Variants in NOCT observed in about 807,000 individuals in gnomAD.
NOCT encodes the protein CCR4 carbon catabolite repression 4-like.
Under a neutral mutation model 35.0 loss-of-function variants are expected in NOCT, and 18 were observed. The ratio of observed to expected loss-of-function variants is 0.51; its 90% CI spans 0.36 to 0.76. The LOEUF (loss-of-function observed/expected upper bound fraction) is 0.76. Among genes scored for constraint, NOCT ranks in the 30% least tolerant of loss-of-function variants. NOCT has a pLI of 0.01. For missense variants in NOCT, 479 were observed against 541.0 expected (o/e 0.89, Z 1.14); for synonymous variants, 235 against 226.3 (o/e 1.04, Z -0.34).
chr4:139,030,853 T>C (rs573271919), intron 1 of NOCT, among the ~76,000 whole-genome samples: 1 of 152,308 alleles, frequency 6.6e-6, no homozygotes, highest in African/African-American at 2.4e-5. Flanking sequence ...CAGAGATGCC[T>C]TCTTGTGCCA....
In NOCT at chr4:139,018,464, C is replaced by T. The variant is rs73852715; in HGVS notation, c.190+2293C>T. On this transcript the variant is annotated intron_variant, in intron 1 of 2. Transcript: ENST00000280614. ...CTTTTAAGAAATCCCCTGAAACCCCCTAGTTTTACAGATAAGGAAATTGAA... is the reference window on the plus strand; with the variant it reads ...CTTTTAAGAAATCCCCTGAAACCCCTTAGTTTTACAGATAAGGAAATTGAA... Among the ~76,000 whole-genome samples, 538 of 152,294 alleles carry T rather than the reference C, an allele frequency of 3.5e-3. 4 individuals carry two copies. The highest frequency in any genetic ancestry group is 0.012 in the African/African-American group (500 of 41,548).
chr4:139,044,610 C>T (rs1726899377), intron 2 of NOCT, 29 bp from the exon 3 acceptor site: 22 of 1,472,822 alleles, frequency 1.5e-5, no homozygotes, highest in Non-Finnish European at 2.0e-5. Context: ...TTTGTAAGAG[C>T]TGACAACTGA....
At chr4:139,043,479 GCTC>G in intron 2 of NOCT, 136 bp downstream of exon 2, 1 of 788,832 alleles carries the variant, frequency 1.3e-6, no homozygotes, top group Non-Finnish European at 2.1e-6. Flanking sequence ...AGCATGGAGA[GCTC>G]CTAGAAGAGG....
chr4:139,016,550 A>T (rs1726307200), intron 1 of NOCT, among the ~76,000 whole-genome samples: 2 of 150,942 alleles, frequency 1.3e-5, no homozygotes, highest in Admixed American at 1.3e-4. Context: ...AAAAATCTAA[A>T]TGATGCTTAT....
intron 1 of NOCT, among the ~76,000 whole-genome samples, chr4:139,016,695 C>T (rs1726313450): frequency 8.9e-6 from 1 of 112,186 alleles, no homozygotes; most frequent in African/African-American, 3.4e-5. Flanking sequence ...ACTGTGTCAC[C>T]CAGGCTGGAG....
chr4:139,037,561 C>T (rs966319702), intron 1 of NOCT, among the ~76,000 whole-genome samples: 7 of 152,116 alleles, frequency 4.6e-5, no homozygotes, highest in Admixed American at 1.3e-4. Context: ...TGAGCCACCA[C>T]GCCTGGCCCA....
chr4:139,030,783 T>G (rs1241393044), intron 1 of NOCT, among the ~76,000 whole-genome samples: 3 of 152,158 alleles, frequency 2.0e-5, no homozygotes, highest in Non-Finnish European at 4.4e-5. Flanking sequence ...TAAATTAGCT[T>G]AGTTTTTGTG....
chr4:139,019,715 A>T (rs1035660123), intron 1 of NOCT, among the ~76,000 whole-genome samples: 1 of 152,098 alleles, frequency 6.6e-6, no homozygotes, highest in African/African-American at 2.4e-5. Context: ...TAGAATTAAA[A>T]GGTGACCCTA....
At chr4:139,023,424 C>T (rs1481401906) in intron 1 of NOCT, among the ~76,000 whole-genome samples, 8 of 152,288 alleles carry the variant, frequency 5.3e-5, no homozygotes, top group African/African-American at 1.7e-4. Flanking sequence ...TGAAGGTCTG[C>T]TGAAGGAAAA....
intron 2 of NOCT, 38 bp from the exon 3 acceptor site, chr4:139,044,601 T>C (rs1238730196): frequency 7.2e-7 from 1 of 1,388,620 alleles, no homozygotes. Flanking sequence ...AGTCACGGTT[T>C]TGTAAGAGCT....
rs530504862 is a variant in NOCT, at chr4:139,023,371, A to G, written c.190+7200A>G. 4.6e-5 allele frequency among the ~76,000 whole-genome samples: 7 copies of G among 152,158 alleles called. No homozygotes were observed. In the East Asian group the frequency reaches 5.8e-4, roughly 13 times the overall value. On this transcript the variant is annotated intron_variant, in intron 1 of 2. Coordinates refer to ENST00000280614, the MANE Select transcript of NOCT (RefSeq NM_012118.4). Reference sequence around the variant, plus strand: ...AATACCTGGGATATAATACTTTTCTATTTCCTCTTGTGTGTTTTGCTTTTA... The same window carrying G: ...AATACCTGGGATATAATACTTTTCTGTTTCCTCTTGTGTGTTTTGCTTTTA...
At chr4:139,023,798 T>TA (rs1726464488) in intron 1 of NOCT, among the ~76,000 whole-genome samples, 2 of 152,194 alleles carry the variant, frequency 1.3e-5, no homozygotes, top group Admixed American at 6.5e-5. Flanking sequence ...GCCTTGCCTC[T>TA]GAACTTTTAA....
intron 1 of NOCT, among the ~76,000 whole-genome samples, chr4:139,019,428 G>T (rs1268798998): frequency 1.3e-5 from 2 of 152,156 alleles, no homozygotes; most frequent in Non-Finnish European, 2.9e-5. Flanking sequence ...TTCATGATGG[G>T]CCCTGGATTC....
Position 139,016,099 on chromosome 4 carries a change from A to AGGCCCGCATCCCCCC in NOCT, c.122_136dup (p.Pro41_Arg45dup). The stretch of plus-strand genomic sequence containing the variant: ...GTTGTCCCCGCCGGCTGCTGTTCCC[A>AGGCCCGCATCCCCCC]GGCCCGCATCCCCCCGGCTGCTGGC... On this transcript the variant is annotated inframe_insertion, in exon 1 of 3. Coordinates refer to ENST00000280614, the MANE Select transcript of NOCT (RefSeq NM_012118.4). The AGGCCCGCATCCCCCC allele has an allele frequency of 7.5e-7, 1 of 1,341,012 alleles. No individual in the cohort carries two copies. Among genetic ancestry groups the AGGCCCGCATCCCCCC allele is most frequent in the Non-Finnish European group, 9.6e-7 (1 of 1,045,288 alleles). 83.1% of individuals were successfully genotyped at this position (1,341,012 alleles called of 1,614,324 possible). A position where few individuals can be genotyped will look rare whatever the true frequency, so the allele number is the denominator to read the frequency against.
At chr4:139,032,723 G>A (rs1030501177) in intron 1 of NOCT, among the ~76,000 whole-genome samples, 2 of 152,070 alleles carry the variant, frequency 1.3e-5, no homozygotes, top group African/African-American at 2.4e-5. Flanking sequence ...GTGCTGTTTA[G>A]CCTTAGGAAA....
intron 1 of NOCT, among the ~76,000 whole-genome samples, chr4:139,021,318 G>A (rs1306630342): frequency 6.6e-6 from 1 of 151,936 alleles, no homozygotes; most frequent in Admixed American, 6.6e-5. Context: ...CAGCTTTTAA[G>A]AAAGGGAAGA....
At chr4:139,022,127 A>G (rs545883622) in intron 1 of NOCT, among the ~76,000 whole-genome samples, 20 of 152,320 alleles carry the variant, frequency 1.3e-4, no homozygotes, top group Admixed American at 7.2e-4. Context: ...ATAATTAGAA[A>G]TTTGAAGGAC....
chr4:139,030,585 TC>T (rs773515873), intron 1 of NOCT, among the ~76,000 whole-genome samples: 1 of 152,184 alleles, frequency 6.6e-6, no homozygotes, highest in Admixed American at 6.5e-5. Flanking sequence ...CATTGGTTGA[TC>T]CATAGAGCTA....
chr4:139,024,632 C>CTCAGGCTGGAGTGCTG (rs1560729874), intron 1 of NOCT, among the ~76,000 whole-genome samples: 1 of 152,124 alleles, frequency 6.6e-6, no homozygotes, highest in Non-Finnish European at 1.5e-5. Context: ...CGCTCTGTCA[C>CTCAGGCTGGAGTGCTG]TCAGGCTGGA....
Sources: gnomAD v4.1 joint callset for allele counts (sites outside exome capture counted in the v4.1 genomes callset) on GRCh38, gnomAD v4.1.1 for gene constraint, MANE v1.5 for transcripts, NCBI Gene and HGNC (gene_info 2026-07-23, HGNC 2026-07-21) for gene names.